The following PIBF1 variants were observed in gnomAD, a reference collection of about 807,000 sequenced individuals.
PIBF1 encodes the protein progesterone immunomodulatory binding factor 1, also known as progesterone-induced-blocking factor 1.
A neutral mutation model predicts 112.5 loss-of-function variants in PIBF1; 90 were observed. The observed-to-expected ratio is 0.80, with a 90% confidence interval of 0.67 to 0.95. The LOEUF (loss-of-function observed/expected upper bound fraction) is 0.95. Ranked by LOEUF, PIBF1 falls within the 40% of genes least tolerant of loss-of-function variation. The pLI, the probability that PIBF1 is intolerant of heterozygous loss-of-function variation, is 0.00. For missense variants in PIBF1, 915 were observed against 852.3 expected (o/e 1.07, Z -0.92); for synonymous variants, 301 against 288.6 (o/e 1.04, Z -0.44).
intron 17 of PIBF1, among the ~76,000 whole-genome samples, chr13:73,007,591 C>T (rs1169565786): frequency 6.6e-6 from 1 of 152,120 alleles, no homozygotes; most frequent in Non-Finnish European, 1.5e-5. Flanking sequence ...GGGCAGATCA[C>T]CTCAGGTCGA....
intron 10 of PIBF1, among the ~76,000 whole-genome samples, chr13:72,883,677 G>C (rs1321792186): frequency 6.6e-6 from 1 of 152,036 alleles, no homozygotes; most frequent in African/African-American, 2.4e-5. Flanking sequence ...TAGTAGAGAG[G>C]GGCTTTCACC....
chr13:72,805,401 CAA>C (rs2035682070), intron 5 of PIBF1, among the ~76,000 whole-genome samples: 1 of 152,164 alleles, frequency 6.6e-6, no homozygotes, highest in Non-Finnish European at 1.5e-5. Flanking sequence ...CTTGACCTCC[CAA>C]AGTGTTGGGA....
At chr13:72,919,521 T>C (rs1421358720) in intron 13 of PIBF1, among the ~76,000 whole-genome samples, 4 of 152,212 alleles carry the variant, frequency 2.6e-5, no homozygotes, top group African/African-American at 7.2e-5. Flanking sequence ...CTTAGTCCAA[T>C]GTTGCCTAAG....
At chr13:72,889,881 TG>T (rs1438521124) in intron 10 of PIBF1, among the ~76,000 whole-genome samples, 3 of 152,176 alleles carry the variant, frequency 2.0e-5, no homozygotes, top group African/African-American at 4.8e-5. Flanking sequence ...ATTTGATAAC[TG>T]GGTTCAAAAT....
At chr13:72,842,862 T>C (rs1246741022) in intron 9 of PIBF1, among the ~76,000 whole-genome samples, 1 of 152,240 alleles carries the variant, frequency 6.6e-6, no homozygotes, top group Non-Finnish European at 1.5e-5. Context: ...TTTAAATTAA[T>C]TTTTATTATC....
intron 5 of PIBF1, among the ~76,000 whole-genome samples, chr13:72,807,348 G>T (rs2035790106): frequency 1.3e-5 from 2 of 152,160 alleles, no homozygotes; most frequent in Non-Finnish European, 2.9e-5. Flanking sequence ...GTCGAGGTGG[G>T]CAGATCACCT....
rs141909949 is a variant in PIBF1 at position 72,790,559 on chromosome 13, A to G, written c.253-1888A>G. On this transcript the variant is annotated intron_variant, in intron 2 of 17. Coordinates refer to ENST00000326291, the MANE Select transcript of PIBF1 (RefSeq NM_006346.4). The stretch of plus-strand genomic sequence containing the variant: ...GATAGATAGATAGATAGATAGATAG[A>G]TAGATAAATCAGCATATAGGTGGCA... Among the ~76,000 whole-genome samples, 22 of 144,106 alleles carry G rather than the reference A, an allele frequency of 1.5e-4. 1 individual carries two copies. Among genetic ancestry groups the G allele is most frequent in the African/African-American group, 5.7e-4 (22 of 38,858 alleles). The allele number at this position is 144,106 out of a possible 152,430, so 94.5% of individuals were successfully genotyped here.
intron 17 of PIBF1, among the ~76,000 whole-genome samples, chr13:73,003,767 T>A (rs1566539357): frequency 6.6e-6 from 1 of 152,134 alleles, no homozygotes; most frequent in Non-Finnish European, 1.5e-5. Flanking sequence ...TGGAGTGCAG[T>A]GGCATGAACA....
At chr13:72,885,804 G>T (rs2039827015) in intron 10 of PIBF1, among the ~76,000 whole-genome samples, 1 of 152,082 alleles carries the variant, frequency 6.6e-6, no homozygotes, top group Non-Finnish European at 1.5e-5. Context: ...GTTAGGCTAG[G>T]TAAAGTCAAC....
chr13:72,879,864 AT>A (rs1371903376), intron 10 of PIBF1, among the ~76,000 whole-genome samples: 1 of 152,264 alleles, frequency 6.6e-6, no homozygotes, highest in Non-Finnish European at 1.5e-5. Flanking sequence ...GTTAGTGTAT[AT>A]AAAGTTTTAT....
intron 5 of PIBF1, among the ~76,000 whole-genome samples, chr13:72,809,996 G>A (rs1182680987): frequency 6.6e-6 from 1 of 152,038 alleles, no homozygotes; most frequent in Non-Finnish European, 1.5e-5. Flanking sequence ...TTAGTTATTT[G>A]CAAATAACAT....
In PIBF1 at chr13:72,795,423, G is replaced by C; in HGVS notation, c.418G>C (p.Glu140Gln). ...TILLRQKQLE[E>Q]TNLQLREKAG... ...TTTGTTGAGACAGAAACAACTAGAA[G>C]AGACAAATCTTCAGCTAAGAGAAAA... The change falls in exon 4 of 18, where the codon GAG becomes CAG. Residue 140 changes from glutamate (E) to glutamine (Q), a missense_variant. Glu to Gln is a conservative substitution (Grantham distance 29). Transcript: ENST00000326291. The C allele has an allele frequency of 3.1e-6, 5 of 1,609,664 alleles. No individual in the cohort carries two copies. Among genetic ancestry groups the C allele is most frequent in the Non-Finnish European group, 4.2e-6 (5 of 1,178,452 alleles).
intron 12 of PIBF1, 141 bp from the exon 13 acceptor site, chr13:72,916,935 G>T: frequency 2.2e-6 from 1 of 453,704 alleles, no homozygotes; most frequent in Non-Finnish European, 4.0e-6. Context: ...CTTACAAATG[G>T]GCTGTTTAAG....
intron 16 of PIBF1, among the ~76,000 whole-genome samples, chr13:72,998,151 T>C (rs1293009527): frequency 1.3e-5 from 2 of 152,180 alleles, no homozygotes; most frequent in African/African-American, 2.4e-5. Flanking sequence ...TATATAAGAA[T>C]TCAAAGGAAA....
intron 10 of PIBF1, among the ~76,000 whole-genome samples, chr13:72,858,840 A>G (rs142699179): frequency 1.1e-4 from 17 of 152,308 alleles, no homozygotes; most frequent in African/African-American, 3.8e-4. Context: ...ATGGGAGTGA[A>G]TAAAGGGAGT....
intron 14 of PIBF1, among the ~76,000 whole-genome samples, chr13:72,963,298 T>C (rs962616751): frequency 6.6e-6 from 1 of 152,160 alleles, no homozygotes; most frequent in Non-Finnish European, 1.5e-5. Context: ...AATTGTGAGT[T>C]AAAGGAGATT....
chr13:72,842,553 A>G (rs1312374376), intron 9 of PIBF1, among the ~76,000 whole-genome samples: 1 of 152,232 alleles, frequency 6.6e-6, no homozygotes, highest in Non-Finnish European at 1.5e-5. Flanking sequence ...TCTTAGAGTG[A>G]TATTAAACAA....
chr13:72,899,846 C>T (rs1334481530), intron 11 of PIBF1, among the ~76,000 whole-genome samples: 2 of 152,086 alleles, frequency 1.3e-5, no homozygotes, highest in Admixed American at 1.3e-4. Context: ...GATCGTTTAC[C>T]TTGAAAACCC....
intron 10 of PIBF1, among the ~76,000 whole-genome samples, chr13:72,864,481 G>T: frequency 6.6e-6 from 1 of 152,264 alleles, no homozygotes; most frequent in South Asian, 2.1e-4. Flanking sequence ...GAAATCTAGC[G>T]TCATAGTTGG....
Sources: gnomAD v4.1 joint callset for allele counts (sites outside exome capture counted in the v4.1 genomes callset) on GRCh38, gnomAD v4.1.1 for gene constraint, MANE v1.5 for transcripts, NCBI Gene and HGNC (gene_info 2026-07-23, HGNC 2026-07-21) for gene names.